The following DLGAP1 variants were observed in gnomAD, a reference collection of about 807,000 sequenced individuals.
DLGAP1 encodes disks large-associated protein 1.
A neutral mutation model predicts 90.8 loss-of-function variants in DLGAP1; 11 were observed. The ratio of observed to expected loss-of-function variants is 0.12; its 90% CI spans 0.08 to 0.20. The LOEUF (loss-of-function observed/expected upper bound fraction) is 0.20, where lower values mean the gene tolerates loss of function less well. Ranked by LOEUF, DLGAP1 falls within the 10% of genes least tolerant of loss-of-function variation. The probability of loss-of-function intolerance (pLI) is 1.00; values close to 1 mark genes in which losing one functional copy is unlikely to be tolerated. For synonymous variants in DLGAP1, 558 were observed against 540.7 expected, an observed-to-expected ratio of 1.03 and a Z score of -0.44; for missense variants, 1,050 against 1,333.8, an observed-to-expected ratio of 0.79 and a Z score of 3.31.
chr18:3,511,268 C>T (rs905393854), intron 10 of DLGAP1, among the ~76,000 whole-genome samples: 1 of 136,842 alleles, frequency 7.3e-6, no homozygotes, highest in Admixed American at 7.9e-5. Context: ...AAGAAAGAAG[C>T]TGTAATGGAG....
intron 8 of DLGAP1, among the ~76,000 whole-genome samples, 159 bp from the exon 9 acceptor site, chr18:3,567,740 C>T (rs1464654848): frequency 3.9e-5 from 6 of 152,148 alleles, no homozygotes; most frequent in Non-Finnish European, 7.3e-5. Flanking sequence ...TCACTGCACG[C>T]TCTTTGACTC....
intron 7 of DLGAP1, among the ~76,000 whole-genome samples, chr18:3,669,816 C>T (rs9958430): frequency 0.012 from 1,829 of 152,290 alleles, 32 homozygotes; most frequent in African/African-American, 0.041. Flanking sequence ...AGTCCTCTGT[C>T]CTTGTGATGA....
chr18:3,730,324 T>C (rs1397226174), intron 6 of DLGAP1, among the ~76,000 whole-genome samples: 5 of 152,124 alleles, frequency 3.3e-5, no homozygotes, highest in African/African-American at 1.2e-4. Context: ...AAAAATTTGC[T>C]ACAGAAATAT....
intron 2 of DLGAP1, among the ~76,000 whole-genome samples, chr18:4,128,823 T>C (rs972969868): frequency 5.9e-5 from 9 of 152,236 alleles, no homozygotes; most frequent in Admixed American, 3.9e-4. Context: ...ACTTTCCATA[T>C]GACATTTTGC....
chr18:4,306,539 A>G (rs2080270333), intron 1 of DLGAP1, among the ~76,000 whole-genome samples: 1 of 151,772 alleles, frequency 6.6e-6, no homozygotes, highest in African/African-American at 2.4e-5. Context: ...AGGGGGTTGG[A>G]GGAGGAGAGG....
At chr18:4,114,546 C>T (rs975524483) in intron 2 of DLGAP1, among the ~76,000 whole-genome samples, 27 of 152,128 alleles carry the variant, frequency 1.8e-4, no homozygotes, top group Admixed American at 7.2e-4. Context: ...AGGATCTTAT[C>T]GTCAGTGAAG....
chr18:3,588,644 G>A (rs1305710259), intron 7 of DLGAP1, among the ~76,000 whole-genome samples: 6 of 151,064 alleles, frequency 4.0e-5, no homozygotes, highest in African/African-American at 1.2e-4. Flanking sequence ...GCCAGGCGTG[G>A]TGGTGTGTGC....
chr18:3,790,246 A>G (rs567550656), intron 5 of DLGAP1, among the ~76,000 whole-genome samples: 22 of 150,850 alleles, frequency 1.5e-4, no homozygotes, highest in African/African-American at 5.3e-4. Context: ...AATCTTCCTA[A>G]GTCTTTGCTT....
chr18:4,151,795 T>A (rs759211452), intron 1 of DLGAP1, among the ~76,000 whole-genome samples: 6 of 152,188 alleles, frequency 3.9e-5, no homozygotes, highest in Non-Finnish European at 5.9e-5. Flanking sequence ...CCAAGTGTGC[T>A]ACTAGAGACT....
At chr18:3,549,397 A>G (rs2053248428) in intron 9 of DLGAP1, among the ~76,000 whole-genome samples, 1 of 151,424 alleles carries the variant, frequency 6.6e-6, no homozygotes, top group Non-Finnish European at 1.5e-5. Flanking sequence ...CAGTGGCGCA[A>G]TCTCGGCTCA....
At chr18:3,642,636 A>T (rs1038987345) in intron 7 of DLGAP1, among the ~76,000 whole-genome samples, 3 of 152,216 alleles carry the variant, frequency 2.0e-5, no homozygotes, top group African/African-American at 7.2e-5. Context: ...ATCAAGGGAT[A>T]ATAAGAGTGG....
chr18:4,314,783 C>T (rs2080485310), intron 1 of DLGAP1, among the ~76,000 whole-genome samples: 2 of 151,978 alleles, frequency 1.3e-5, no homozygotes, highest in Non-Finnish European at 2.9e-5. Context: ...TAGGATGGTA[C>T]GTTAGGGCGT....
intron 3 of DLGAP1, chr18:3,983,255 A>G (rs2073774625): frequency 6.6e-6 from 1 of 151,456 alleles, no homozygotes; most frequent in Non-Finnish European, 1.5e-5. Context: ...AATAATGATA[A>G]TTATAGTGAT....
At chr18:3,600,680 CTA>C (rs2056843733) in intron 7 of DLGAP1, among the ~76,000 whole-genome samples, 1 of 121,008 alleles carries the variant, frequency 8.3e-6, no homozygotes, top group South Asian at 2.4e-4. Context: ...CTATAGATAT[CTA>C]TAGAGATCTA....
At chr18:3,771,876 CT>C (rs1212433615) in intron 5 of DLGAP1, among the ~76,000 whole-genome samples, 1 of 151,808 alleles carries the variant, frequency 6.6e-6, no homozygotes, top group African/African-American at 2.4e-5. Flanking sequence ...CTGCCAGCTT[CT>C]ATTTACAAGA....
At chr18:4,122,910 C>G (rs1453660313) in intron 2 of DLGAP1, among the ~76,000 whole-genome samples, 1 of 152,176 alleles carries the variant, frequency 6.6e-6, no homozygotes, top group Non-Finnish European at 1.5e-5. Context: ...TCCTATATAA[C>G]TACCCAGGTT....
chr18:4,042,330 A>G (rs569003157), intron 2 of DLGAP1, among the ~76,000 whole-genome samples: 1 of 152,214 alleles, frequency 6.6e-6, no homozygotes, highest in South Asian at 2.1e-4. Flanking sequence ...GGTTTAATAA[A>G]GCACGTCAGA....
chr18:4,132,242 T>C (rs1360049644), intron 2 of DLGAP1, among the ~76,000 whole-genome samples: 1 of 152,192 alleles, frequency 6.6e-6, no homozygotes, highest in African/African-American at 2.4e-5. Flanking sequence ...CTAAGCCATA[T>C]ATCTACTTTT....
intron 1 of DLGAP1, among the ~76,000 whole-genome samples, chr18:4,374,283 G>A (rs2081974272): frequency 6.6e-6 from 1 of 152,122 alleles, no homozygotes; most frequent in African/African-American, 2.4e-5. Context: ...AATGGAAAAT[G>A]TAACTTAGAA....
Sources: gnomAD v4.1 joint callset for allele counts (sites outside exome capture counted in the v4.1 genomes callset) on GRCh38, gnomAD v4.1.1 for gene constraint, MANE v1.5 for transcripts, NCBI Gene and HGNC (gene_info 2026-07-23, HGNC 2026-07-21) for gene names.